ZFHX3: variants seen among roughly 807,000 people sequenced by gnomAD.
ZFHX3 encodes zinc finger homeobox 3, also known as zinc finger homeobox protein 3.
In ZFHX3, 42 loss-of-function variants were observed where a neutral mutation model predicts 279.1. That is an observed-to-expected ratio of 0.15 (90% CI 0.12 to 0.19). The LOEUF (loss-of-function observed/expected upper bound fraction) is 0.19, where lower values mean the gene tolerates loss of function less well. Among genes scored for constraint, ZFHX3 ranks in the 10% least tolerant of loss-of-function variants. ZFHX3 has a pLI of 1.00. For synonymous variants in ZFHX3, 2,293 were observed against 1,957.8 expected (o/e 1.17, Z -4.52); for missense variants, 4,981 against 4,754.0 (o/e 1.05, Z -1.40).
intron 2 of ZFHX3, among the ~76,000 whole-genome samples, chr16:73,650,161 G>A (rs977155990): frequency 2.6e-5 from 4 of 152,024 alleles, no homozygotes; most frequent in African/African-American, 2.4e-5. Flanking sequence ...AAGTGGAATA[G>A]CAGGACTTGT....
chr16:73,591,691 T>C (rs1420482806), intron 2 of ZFHX3, among the ~76,000 whole-genome samples: 1 of 5,506 alleles, frequency 1.8e-4, no homozygotes, highest in Non-Finnish European at 3.7e-4. Context: ...AGACTCTGTC[T>C]CAAAAAAAAA....
intron 1 of ZFHX3, among the ~76,000 whole-genome samples, chr16:73,848,906 T>C (rs983554146): frequency 6.6e-6 from 1 of 152,234 alleles, no homozygotes; most frequent in African/African-American, 2.4e-5. Flanking sequence ...CCATCCAGCA[T>C]GCAACTACAA....
chr16:73,390,429 A>T (rs577324858), intron 3 of ZFHX3, among the ~76,000 whole-genome samples: 1 of 152,158 alleles, frequency 6.6e-6, no homozygotes, highest in African/African-American at 2.4e-5. Flanking sequence ...CCATCATCTC[A>T]TCGGGTCCCA....
intron 1 of ZFHX3, among the ~76,000 whole-genome samples, chr16:73,861,833 C>T (rs1204075907): frequency 1.3e-5 from 2 of 152,118 alleles, no homozygotes; most frequent in African/African-American, 4.8e-5. Flanking sequence ...TTTCCCTAAC[C>T]TTAAAAGAGG....
intron 3 of ZFHX3, among the ~76,000 whole-genome samples, chr16:73,391,207 G>A (rs1048775890): frequency 4.6e-5 from 7 of 152,130 alleles, no homozygotes; most frequent in Admixed American, 2.6e-4. Context: ...CAGACGCGGT[G>A]GCTCATGCCT....
intron 3 of ZFHX3, among the ~76,000 whole-genome samples, chr16:73,444,743 G>A (rs975475299): frequency 5.9e-5 from 9 of 152,194 alleles, no homozygotes; most frequent in Non-Finnish European, 2.9e-5. Flanking sequence ...AAGCTCTCAA[G>A]TGAAGTGCAG....
chr16:73,363,753 C>T (rs574812835), intron 3 of ZFHX3, among the ~76,000 whole-genome samples: 35 of 152,214 alleles, frequency 2.3e-4, no homozygotes, highest in South Asian at 1.5e-3. Flanking sequence ...ATTTGCATTT[C>T]GCACTATGCT....
At chr16:73,125,197 TG>T (rs1966548568) in intron 7 of ZFHX3, 2 of 102,728 alleles carry the variant, frequency 1.9e-5, no homozygotes, top group Non-Finnish European at 4.1e-5. Flanking sequence ...GGAATTGAGC[TG>T]TTTTTTTTTT....
rs1190931156 is a variant in ZFHX3, at chr16:73,364,482, G to C, written c.-1290-46146C>G. 4.6e-5 allele frequency among the ~76,000 whole-genome samples: 7 copies of C among 152,214 alleles called. 1 individual carries two copies. The highest frequency in any genetic ancestry group is 4.6e-4 in the Admixed American group (7 of 15,282). ...CCTCGTAGTTCTTTCGGTCTGGTCA[G>C]GGAGACAGAGATTATATGTATAATC... On this transcript the variant is annotated intron_variant, in intron 3 of 17. Transcript: ENST00000641206.
chr16:73,032,540 T>C (rs1964743200), intron 1 of ZFHX3, among the ~76,000 whole-genome samples: 1 of 152,100 alleles, frequency 6.6e-6, no homozygotes, highest in Non-Finnish European at 1.5e-5. Flanking sequence ...CCTAGAAAAC[T>C]TCTCTTCGTC....
intron 4 of ZFHX3, among the ~76,000 whole-genome samples, chr16:73,310,860 GA>G (rs34809715): frequency 0.32 from 47,284 of 149,258 alleles, 8,225 homozygotes; most frequent in Non-Finnish European, 0.41. Context: ...AATATTAAAT[GA>G]AAAAAAAAAG....
At chr16:73,006,736 CACAG>C (rs1308226181) in intron 1 of ZFHX3, among the ~76,000 whole-genome samples, 3 of 152,180 alleles carry the variant, frequency 2.0e-5, no homozygotes, top group Non-Finnish European at 4.4e-5. Context: ...CACACATACA[CACAG>C]ACAGACAGCT....
chr16:73,348,708 C>T (rs1384753364), intron 3 of ZFHX3, among the ~76,000 whole-genome samples: 1 of 152,214 alleles, frequency 6.6e-6, no homozygotes, highest in Non-Finnish European at 1.5e-5. Flanking sequence ...GCACTGAACC[C>T]TTGGTGCTCA....
intron 3 of ZFHX3, among the ~76,000 whole-genome samples, chr16:72,913,718 G>A (rs1209277213): frequency 2.0e-5 from 3 of 152,114 alleles, no homozygotes; most frequent in Admixed American, 6.5e-5. Context: ...TGGTTATTAC[G>A]CTGTTAATAA....
intron 4 of ZFHX3, among the ~76,000 whole-genome samples, chr16:72,844,942 C>G (rs536920015): frequency 1.9e-4 from 29 of 152,178 alleles, no homozygotes; most frequent in African/African-American, 6.3e-4. Flanking sequence ...CTCCCCTTCC[C>G]TGCCTTCATA....
chr16:73,273,014 T>C (rs8063292), intron 4 of ZFHX3, among the ~76,000 whole-genome samples: 5,132 of 152,222 alleles, frequency 0.034, 293 homozygotes, highest in African/African-American at 0.12. Flanking sequence ...CTCAAAGTGC[T>C]GAGATAACAT....
intron 3 of ZFHX3, among the ~76,000 whole-genome samples, chr16:73,437,288 A>T (rs1013144150): frequency 6.6e-6 from 1 of 152,212 alleles, no homozygotes; most frequent in African/African-American, 2.4e-5. Flanking sequence ...CTAGTAACAA[A>T]GGCAAGGACA....
At chr16:73,491,255 G>A (rs1237700510) in intron 2 of ZFHX3, among the ~76,000 whole-genome samples, 1 of 152,098 alleles carries the variant, frequency 6.6e-6, no homozygotes, top group Non-Finnish European at 1.5e-5. Context: ...ATTGTGTCGG[G>A]GGCAGAGAGA....
At position 73,677,547 on chromosome 16, in the gene ZFHX3, T is replaced by C. The variant is rs371801486; in HGVS notation, c.-1547+2633A>G. On this transcript the variant is annotated intron_variant, in intron 2 of 17. Coordinates refer to the ZFHX3 transcript ENST00000641206. ...TGGCTCTTCCACACTACCTTTGGCA[T>C]AGCTAATCACAAAAAAAGATATATT... Among the ~76,000 whole-genome samples the C allele has an allele frequency of 1.7e-4, 26 of 152,052 alleles. No individual in the cohort carries two copies. The South Asian group carries it at 4.8e-3, about 28-fold the overall frequency.
Sources: gnomAD v4.1 joint callset for allele counts (sites outside exome capture counted in the v4.1 genomes callset) on GRCh38, gnomAD v4.1.1 for gene constraint, MANE v1.5 for transcripts, NCBI Gene and HGNC (gene_info 2026-07-23, HGNC 2026-07-21) for gene names.